The following DAPK2 variants were observed in gnomAD, a reference collection of about 807,000 sequenced individuals.
The protein encoded by DAPK2 is death-associated protein kinase 2.
Under a neutral mutation model 44.1 loss-of-function variants are expected in DAPK2, and 35 were observed. That is an observed-to-expected ratio of 0.79 (90% CI 0.61 to 1.05). The LOEUF (loss-of-function observed/expected upper bound fraction) is 1.05, where lower values mean the gene tolerates loss of function less well. Among genes scored for constraint, DAPK2 ranks in the 50% least tolerant of loss-of-function variants. The probability of loss-of-function intolerance (pLI) is 0.00; values close to 1 mark genes in which losing one functional copy is unlikely to be tolerated. For missense variants in DAPK2, 453 were observed against 483.2 expected (o/e 0.94, Z 0.59); for synonymous variants, 174 against 182.6 (o/e 0.95, Z 0.38).
At chr15:63,953,265 T>C (rs2077639624) in intron 3 of DAPK2, among the ~76,000 whole-genome samples, 1 of 152,194 alleles carries the variant, frequency 6.6e-6, no homozygotes, top group Non-Finnish European at 1.5e-5. Context: ...TCACTTAGGA[T>C]AATAGTCTCC....
intron 3 of DAPK2, among the ~76,000 whole-genome samples, chr15:63,940,585 G>A (rs144796120): frequency 1.5e-3 from 229 of 152,152 alleles, no homozygotes; most frequent in African/African-American, 5.2e-3. Flanking sequence ...GGTGGCGCAC[G>A]CCTGTAGTCC....
chr15:64,007,288 C>T (rs1481876741), intron 1 of DAPK2, among the ~76,000 whole-genome samples: 2 of 152,014 alleles, frequency 1.3e-5, no homozygotes, highest in African/African-American at 4.8e-5. Context: ...CCCTTTCACA[C>T]AACCCTTTCT....
chr15:63,911,736 A>T, intron 10 of DAPK2, 172 bp downstream of exon 11: 2 of 678,666 alleles, frequency 2.9e-6, no homozygotes, highest in South Asian at 1.8e-5. Flanking sequence ...CCCAGAACAC[A>T]CTCCTCTGAA....
chr15:63,984,742 A>G (rs1031776814), intron 1 of DAPK2, among the ~76,000 whole-genome samples: 3 of 152,214 alleles, frequency 2.0e-5, no homozygotes, highest in Admixed American at 1.3e-4. Context: ...TAATGGCTCA[A>G]TAAGGGGCCA....
At chr15:63,931,313 T>C (rs2079547391) in intron 4 of DAPK2, among the ~76,000 whole-genome samples, 1 of 152,220 alleles carries the variant, frequency 6.6e-6, no homozygotes, top group Non-Finnish European at 1.5e-5. Context: ...AAAAGAGTTG[T>C]CTGTTATCCT....
intron 1 of DAPK2, among the ~76,000 whole-genome samples, chr15:64,033,794 G>C (rs2080097902): frequency 6.6e-6 from 1 of 152,046 alleles, no homozygotes; most frequent in African/African-American, 2.4e-5. Context: ...TATAGTCCCA[G>C]CTACTCTGGA....
At position 63,912,870 on chromosome 15, in the gene DAPK2, T is replaced by C. The variant is rs2078833822; in HGVS notation, c.859-673A>G. On this transcript the variant is annotated intron_variant, in intron 8 of 10. Coordinates refer to ENST00000261891, the Ensembl canonical transcript of DAPK2. The surrounding 1 kb of genome is among the most constrained non-coding windows in gnomAD (Gnocchi z 4.4). ...GCACCACTCAATAAATAGTAATAAGTTATTGTGAGCTTTCCTGCGTTCTCC... is the reference window on the plus strand; with the variant it reads ...GCACCACTCAATAAATAGTAATAAGCTATTGTGAGCTTTCCTGCGTTCTCC... 6.6e-6 allele frequency among the ~76,000 whole-genome samples: 1 copy of C among 152,158 alleles called. No individual in the cohort carries two copies. Among genetic ancestry groups the C allele is most frequent in the African/African-American group, 2.4e-5 (1 of 41,432 alleles).
chr15:63,922,886 T>C, intron 8 of DAPK2: 1 of 1,535,924 alleles, frequency 6.5e-7, no homozygotes, highest in Non-Finnish European at 8.7e-7. Flanking sequence ...CTGAATCCAC[T>C]GCAGGTCTGC....
At chr15:63,932,106 G>A (rs2076972448) in intron 4 of DAPK2, among the ~76,000 whole-genome samples, 1 of 149,964 alleles carries the variant, frequency 6.7e-6, no homozygotes, top group Non-Finnish European at 1.5e-5. Context: ...GGTGGAGGTT[G>A]CAGTGAGCTG....
In DAPK2 at chr15:63,908,384, G is replaced by T; in HGVS notation, c.*136C>A. 2.2e-6 allele frequency: 1 copy of T among 462,946 alleles called. No individual in the cohort carries two copies. Among genetic ancestry groups the T allele is most frequent in the Non-Finnish European group, 3.7e-6 (1 of 267,216 alleles). 28.7% of individuals were successfully genotyped at this position (462,946 alleles called of 1,614,324 possible). A position where few individuals can be genotyped will look rare whatever the true frequency, so the allele number is the denominator to read the frequency against. ...TCCTGGCTTGCCTGCAAGCTCTTCT[G>T]AATTCCTTGGGCCCATCTCTCTTGC... On this transcript the variant is annotated 3_prime_UTR_variant, in exon 11 of 11. Coordinates refer to ENST00000261891, the Ensembl canonical transcript of DAPK2. This position sits in a 1 kb window ranked among gnomAD's most constrained non-coding sequence, Gnocchi z 5.7.
At chr15:64,032,675 G>T (rs960761597) in intron 1 of DAPK2, among the ~76,000 whole-genome samples, 1 of 152,316 alleles carries the variant, frequency 6.6e-6, no homozygotes, top group East Asian at 1.9e-4. Context: ...AAATAGCCAG[G>T]CGTGGTGGTT....
chr15:63,950,898 A>G (rs888992177), intron 3 of DAPK2, among the ~76,000 whole-genome samples: 39 of 152,258 alleles, frequency 2.6e-4, no homozygotes, highest in African/African-American at 8.9e-4. Flanking sequence ...ACACATTTGA[A>G]GTATTAACAT....
intron 2 of DAPK2, among the ~76,000 whole-genome samples, chr15:63,974,684 A>T (rs1222491635): frequency 6.6e-6 from 1 of 152,234 alleles, no homozygotes; most frequent in Non-Finnish European, 1.5e-5. Context: ...CTCTCAGCTA[A>T]TCTCTTCAGG....
At chr15:63,983,483 G>T in intron 2 of DAPK2, 50 bp downstream of exon 3, 1 of 1,566,670 alleles carries the variant, frequency 6.4e-7, no homozygotes, top group Non-Finnish European at 8.8e-7. Flanking sequence ...CCACTGCTCT[G>T]CCTGCCCCTG....
chr15:64,026,436 G>T (rs1417891033), intron 1 of DAPK2, among the ~76,000 whole-genome samples: 1 of 152,004 alleles, frequency 6.6e-6, no homozygotes, highest in African/African-American at 2.4e-5. Flanking sequence ...TAGAGTCAGG[G>T]TTTCGCCATG....
In DAPK2 at chr15:63,988,284, G is replaced by A. The variant is rs146969531; in HGVS notation, c.93-4530C>T. On this transcript the variant is annotated intron_variant, in intron 1 of 10. Coordinates refer to ENST00000261891, the Ensembl canonical transcript of DAPK2. ...CCTCATAAGGGCTCTCTAGTTGTCT[G>A]CCCAGGACTCACATTAAAAGGGGTA... 9.3e-4 allele frequency among the ~76,000 whole-genome samples: 141 copies of A among 152,102 alleles called. 1 individual carries two copies. The highest frequency in any genetic ancestry group is 3.2e-3 in the African/African-American group (134 of 41,496).
intron 4 of DAPK2, among the ~76,000 whole-genome samples, chr15:63,934,956 G>T (rs2077095932): frequency 1.3e-5 from 2 of 151,978 alleles, no homozygotes; most frequent in Admixed American, 1.3e-4. Flanking sequence ...TCCCTTCAGA[G>T]TTCATTTCTT....
At chr15:63,969,020 C>T (rs2078133798) in intron 3 of DAPK2, among the ~76,000 whole-genome samples, 1 of 152,206 alleles carries the variant, frequency 6.6e-6, no homozygotes, top group Non-Finnish European at 1.5e-5. Flanking sequence ...TGTTACTACC[C>T]TGAGGTCCAA....
upstream of DAPK2, among the ~76,000 whole-genome samples, chr15:64,044,047 T>C (rs2080405946): frequency 6.6e-6 from 1 of 152,114 alleles, no homozygotes; most frequent in Non-Finnish European, 1.5e-5. Flanking sequence ...AGAAACAAAC[T>C]AAAGGGGTGA....
Sources: gnomAD v4.1 joint callset for allele counts (sites outside exome capture counted in the v4.1 genomes callset) on GRCh38, gnomAD v4.1.1 for gene constraint, Gnocchi (gnomAD v3.1) non-coding constraint, MANE v1.5 for transcripts, NCBI Gene and HGNC (gene_info 2026-07-23, HGNC 2026-07-21) for gene names.